DZANK1: variants seen among roughly 807,000 people sequenced by gnomAD.
DZANK1 encodes double zinc ribbon and ankyrin repeat domains 1, also known as double zinc ribbon and ankyrin repeat-containing protein 1.
A neutral mutation model predicts 94.5 loss-of-function variants in DZANK1; 91 were observed. The ratio of observed to expected loss-of-function variants is 0.96; its 90% confidence interval spans 0.81 to 1.15. The LOEUF is 1.15. DZANK1 is among the 50% of genes most tolerant of loss of function. The probability of loss-of-function intolerance (pLI) is 0.00; values close to 1 mark genes in which losing one functional copy is unlikely to be tolerated. For synonymous variants in DZANK1, 312 were observed against 325.3 expected (o/e 0.96, Z 0.44); for missense variants, 903 against 916.4 (o/e 0.99, Z 0.19).
chr20:18,397,950 C>T (rs2056442765), intron 14 of DZANK1, among the ~76,000 whole-genome samples: 1 of 152,278 alleles, frequency 6.6e-6, no homozygotes, highest in Admixed American at 6.5e-5. Flanking sequence ...GGCATCACTT[C>T]CATCATAGTC....
At chr20:18,439,694 A>C (rs2058659547) in intron 8 of DZANK1, among the ~76,000 whole-genome samples, 1 of 152,168 alleles carries the variant, frequency 6.6e-6, no homozygotes, top group Admixed American at 6.5e-5. Context: ...AGAACTTTTT[A>C]AGGATGCAGC....
In DZANK1 at chr20:18,389,781, G is replaced by A. The variant is rs114628871; in HGVS notation, c.1938C>T (p.Thr646=). 3.4e-3 allele frequency: 5,481 copies of A among 1,613,962 alleles called. 164 individuals carry two copies. The African/African-American group carries it at 0.063, about 19-fold the overall frequency. Residue 646 remains threonine (T), a synonymous_variant, in exon 19 of 21, where the codon ACC becomes ACT. Transcript: ENST00000262547. ...CATGGTGCTTATTCATAACAGCCAC[G>A]GTTATGACGGGTCGATTGTCTTCAT... is the stretch of plus-strand genomic sequence containing the variant.
rs751323000 is a variant in DZANK1 at position 18,419,827 on chromosome 20, C to T, written c.955-4378G>A. 2.0e-5 allele frequency among the ~76,000 whole-genome samples: 3 copies of T among 149,704 alleles called. No individual in the cohort carries two copies. In the South Asian group the frequency reaches 6.3e-4, roughly 31 times the overall value. On this transcript the variant is annotated intron_variant, in intron 10 of 20. Transcript: ENST00000262547. ...GAAGGGATATGATACCAGACAGAAACTCAGGTCCACAGAGAAGAGTAAAGA... is the reference window on the plus strand; with the variant it reads ...GAAGGGATATGATACCAGACAGAAATTCAGGTCCACAGAGAAGAGTAAAGA...
intron 9 of DZANK1, chr20:18,433,224 G>A (rs150338681): frequency 2.3e-4 from 42 of 180,242 alleles, no homozygotes; most frequent in African/African-American, 9.1e-4. Flanking sequence ...AATGGATTTT[G>A]TTCATGTATA....
chr20:18,455,249 G>C lies in DZANK1; in HGVS notation c.376C>G (p.Gln126Glu), dbSNP rs751017876. 3.1e-6 allele frequency: 5 copies of C among 1,597,052 alleles called. No homozygotes were observed. In the East Asian group the frequency reaches 1.1e-4, roughly 36 times the overall value. ...TGGATTATAGTTTCATTACTTGCCT[G>C]CCTTGAAGAATCTTTGAGAACATTT... The change falls in exon 4 of 21, where the codon CAG becomes GAG. Residue 126 changes from glutamine to glutamate, a missense_variant and splice_region_variant. Coordinates refer to ENST00000262547, the Ensembl canonical transcript of DZANK1.
Position 18,412,615 on chromosome 20 carries a change from C to G in DZANK1, c.1432+31G>C, listed in dbSNP as rs368304278. The G allele has an allele frequency of 1.9e-5, 31 of 1,600,512 alleles. No homozygotes were observed. In the East Asian group the frequency reaches 6.7e-4, roughly 35 times the overall value. On this transcript the variant is annotated intron_variant, in intron 13 of 20. Coordinates refer to ENST00000262547, the Ensembl canonical transcript of DZANK1. The stretch of plus-strand genomic sequence containing the variant: ...TTCACAGAAAGAGTGAATTCCCTCC[C>G]GACCAGAAGAAAGGGCATCCTCCCC...
intron 2 of DZANK1, among the ~76,000 whole-genome samples, chr20:18,463,253 A>G (rs1601208809): frequency 2.0e-5 from 3 of 152,358 alleles, no homozygotes; most frequent in Admixed American, 2.0e-4. Context: ...GCGAATTAAC[A>G]CAGGAACAGA....
chr20:18,455,233 G>C lies in DZANK1; in HGVS notation c.378+14C>G, dbSNP rs751772194. 7 of 1,572,480 alleles carry C rather than the reference G, an allele frequency of 4.5e-6. No individual in the cohort carries two copies. Among genetic ancestry groups the C allele is most frequent in the East Asian group, 4.5e-5 (2 of 44,194 alleles). ...ACAGTGACAATCTGAATGGATTATA[G>C]TTTCATTACTTGCCTGCCTTGAAGA... On this transcript the variant is annotated intron_variant, in intron 4 of 20. Coordinates refer to ENST00000262547, the Ensembl canonical transcript of DZANK1.
chr20:18,392,282 C>T (rs1471249527), intron 17 of DZANK1, among the ~76,000 whole-genome samples: 1 of 152,152 alleles, frequency 6.6e-6, no homozygotes, highest in Non-Finnish European at 1.5e-5. Context: ...TACAAGAAAT[C>T]CTAAAATACA....
chr20:18,385,422 CT>C (rs1031760984), intron 19 of DZANK1, among the ~76,000 whole-genome samples: 32 of 146,950 alleles, frequency 2.2e-4, no homozygotes, highest in East Asian at 9.9e-4. Context: ...TGGACATAGT[CT>C]TTTTTTTTTT....
intron 17 of DZANK1, among the ~76,000 whole-genome samples, chr20:18,391,491 C>T (rs2055983209): frequency 6.6e-6 from 1 of 152,130 alleles, no homozygotes; most frequent in South Asian, 2.1e-4. Flanking sequence ...CCTCAGCCTC[C>T]CTAAGTGCTG....
exon 5 of DZANK1, chr20:18,453,816 A>T: frequency 6.3e-7 from 1 of 1,593,470 alleles, no homozygotes; most frequent in Non-Finnish European, 8.6e-7. Context: ...CAACAAATCC[A>T]TTTTTGAATT....
intron 16 of DZANK1, 49 bp from the exon 17 acceptor site, chr20:18,393,860 C>T (rs753334191): frequency 2.5e-6 from 3 of 1,208,766 alleles, no homozygotes; most frequent in Admixed American, 1.8e-5. Flanking sequence ...CCCCAACTCC[C>T]CACACAAACA....
chr20:18,396,623 T>C (rs1348105631), intron 14 of DZANK1, 77 bp from the exon 15 acceptor site: 3 of 1,014,406 alleles, frequency 3.0e-6, no homozygotes, highest in Non-Finnish European at 4.4e-6. Context: ...GTACAAATTC[T>C]GAGATGTCAA....
At chr20:18,454,591 T>C (rs1417314145) in intron 4 of DZANK1, 1 of 156,242 alleles carries the variant, frequency 6.4e-6, no homozygotes, top group Non-Finnish European at 1.4e-5. Flanking sequence ...ATGGATCTAA[T>C]TGACTCTTCA....
chr20:18,410,405 A>T (rs1424978959), intron 13 of DZANK1, among the ~76,000 whole-genome samples: 1 of 152,214 alleles, frequency 6.6e-6, no homozygotes, highest in African/African-American at 2.4e-5. Flanking sequence ...GTAACCACTA[A>T]GGAAATAACT....
intron 9 of DZANK1, among the ~76,000 whole-genome samples, chr20:18,430,748 AG>A (rs2058250755): frequency 6.6e-6 from 1 of 152,216 alleles, no homozygotes; most frequent in Non-Finnish European, 1.5e-5. Flanking sequence ...CCGGGAGTTC[AG>A]GCTGCAATGA....
chr20:18,452,840 G>A (rs1025488562), intron 5 of DZANK1, 101 bp from the exon 6 acceptor site: 1 of 1,193,666 alleles, frequency 8.4e-7, no homozygotes, highest in African/African-American at 1.6e-5. Context: ...AAGAACCACT[G>A]TCACCACATT....
rs7343772 is a variant in DZANK1 at position 18,405,695 on chromosome 20, C to T, written c.1432+6951G>A. Among the ~76,000 whole-genome samples the T allele has an allele frequency of 3.3e-5, 5 of 152,332 alleles. No individual in the cohort carries two copies. In the East Asian group the frequency reaches 9.6e-4, roughly 29 times the overall value. On this transcript the variant is annotated intron_variant, in intron 13 of 20. Coordinates refer to ENST00000262547, the Ensembl canonical transcript of DZANK1. ...TGGAACACCAAATTTTAACAACTAT[C>T]TGTACTCAGAAAAGCACCATTACAT...
Sources: gnomAD v4.1 joint callset for allele counts (sites outside exome capture counted in the v4.1 genomes callset) on GRCh38, gnomAD v4.1.1 for gene constraint, MANE v1.5 for transcripts, NCBI Gene and HGNC (gene_info 2026-07-23, HGNC 2026-07-21) for gene names.